The following YY1 variants were observed in gnomAD, a reference collection of about 807,000 sequenced individuals.
YY1 encodes the protein transcriptional repressor protein YY1.
Under a neutral mutation model 35.6 loss-of-function variants are expected in YY1, and 2 were observed. That is an observed-to-expected ratio of 0.06 (90% CI 0.02 to 0.18). YY1 has a LOEUF of 0.18. Ranked by LOEUF, YY1 falls within the 10% of genes least tolerant of loss-of-function variation. The pLI is 1.00. For synonymous variants in YY1, 268 were observed against 238.9 expected, an observed-to-expected ratio of 1.12 and a Z score of -1.12; for missense variants, 322 against 573.4, an observed-to-expected ratio of 0.56 and a Z score of 4.48.
chr14:100,252,675 C>T (rs1484520125), intron 1 of YY1, among the ~76,000 whole-genome samples: 1 of 152,198 alleles, frequency 6.6e-6, no homozygotes, highest in Non-Finnish European at 1.5e-5. Context: ...TGAGATTTGG[C>T]TTTAATTGGC....
chr14:100,240,118 G>C (rs994881756), intron 1 of YY1, among the ~76,000 whole-genome samples, 195 bp downstream of exon 1: 6 of 146,190 alleles, frequency 4.1e-5, no homozygotes, highest in African/African-American at 9.8e-5. Flanking sequence ...GCAGGCCGCG[G>C]GGGGGAGGGG....
rs1271862772 is a variant in YY1, at chr14:100,280,213, A to G, written c.*2613A>G. 1 of 152,202 alleles carries G rather than the reference A, an allele frequency of 6.6e-6. No homozygotes were observed. Among genetic ancestry groups the G allele is most frequent in the African/African-American group, 2.4e-5 (1 of 41,450 alleles). The allele number at this position is 152,202 out of a possible 1,614,324, so 9.4% of individuals were successfully genotyped here. On this transcript the variant is annotated 3_prime_UTR_variant, in exon 5 of 5. Transcript: ENST00000262238. ...ATTCTGCTTGTGGTTAGAATTTATA[A>G]TTTTGCTAACGATGTAATTTACTAA... is the stretch of plus-strand genomic sequence containing the variant.
chr14:100,246,144 G>A (rs1316634793), intron 1 of YY1, among the ~76,000 whole-genome samples: 1 of 152,192 alleles, frequency 6.6e-6, no homozygotes, highest in Non-Finnish European at 1.5e-5. Flanking sequence ...CCGCATAGAT[G>A]CCTGGAACCC....
rs1891405743 is a variant in YY1, at chr14:100,280,694, A to G, written c.*3094A>G. On this transcript the variant is annotated 3_prime_UTR_variant, in exon 5 of 5. Transcript: ENST00000262238. ...GACCCTTTCACAGGATAGTGTGCGC[A>G]ATACCTGTCCGTGTTTCCAAGCAGA... The G allele has an allele frequency of 6.6e-6, 1 of 152,116 alleles. No homozygotes were observed. Among genetic ancestry groups the G allele is most frequent in the South Asian group, 2.1e-4 (1 of 4,828 alleles). 9.4% of individuals were successfully genotyped at this position (152,116 alleles called of 1,614,324 possible).
intron 1 of YY1, among the ~76,000 whole-genome samples, chr14:100,251,606 C>T (rs1231296227): frequency 2.0e-5 from 3 of 152,188 alleles, no homozygotes; most frequent in South Asian, 2.1e-4. Flanking sequence ...ACCTACTGTT[C>T]CCCCTTAAAC....
chr14:100,270,554 C>T (rs1376612026), intron 2 of YY1, among the ~76,000 whole-genome samples: 4 of 151,582 alleles, frequency 2.6e-5, no homozygotes, highest in African/African-American at 7.3e-5. Flanking sequence ...ACCCAGGAGG[C>T]GGAGGTTGCA....
At chr14:100,243,713 TGGGA>T (rs1890785077) in intron 1 of YY1, among the ~76,000 whole-genome samples, 1 of 150,016 alleles carries the variant, frequency 6.7e-6, no homozygotes, top group South Asian at 2.1e-4. Flanking sequence ...TAGATTGAGG[TGGGA>T]GGATCTCCTG....
intron 1 of YY1, among the ~76,000 whole-genome samples, chr14:100,253,976 C>T (rs1367868650): frequency 6.6e-6 from 1 of 151,970 alleles, no homozygotes; most frequent in East Asian, 1.9e-4. Flanking sequence ...ATTACAGGTG[C>T]CCGCTACCAC....
rs1436310593 is a variant in YY1, at chr14:100,280,228, T to C, written c.*2628T>C. On this transcript the variant is annotated 3_prime_UTR_variant, in exon 5 of 5. Coordinates refer to ENST00000262238, the MANE Select transcript of YY1 (RefSeq NM_003403.5). ...AGAATTTATAATTTTGCTAACGATG[T>C]AATTTACTAAGGTTTGAAATGGTAT... 1 of 152,238 alleles carries C rather than the reference T, an allele frequency of 6.6e-6. No individual in the cohort carries two copies. The highest frequency in any genetic ancestry group is 1.9e-4 in the East Asian group (1 of 5,202). The allele number at this position is 152,238 out of a possible 1,614,324, so 9.4% of individuals were successfully genotyped here. A position where few individuals can be genotyped will look rare whatever the true frequency, so the allele number is the denominator to read the frequency against.
chr14:100,258,055 CT>C (rs1036139891), intron 1 of YY1, among the ~76,000 whole-genome samples: 10 of 151,942 alleles, frequency 6.6e-5, no homozygotes, highest in African/African-American at 2.4e-4. Context: ...TTGCTTGAAC[CT>C]TGGAGGTCAA....
In YY1 at chr14:100,280,293, T is replaced by A. The variant is rs1891396542; in HGVS notation, c.*2693T>A. The A allele has an allele frequency of 1.3e-5, 2 of 152,222 alleles. No homozygotes were observed. Among genetic ancestry groups the A allele is most frequent in the African/African-American group, 4.8e-5 (2 of 41,460 alleles). 9.4% of individuals were successfully genotyped at this position (152,222 alleles called of 1,614,324 possible). The stretch of plus-strand genomic sequence containing the variant: ...CATTGTCTTGAGGATTAATCTGATT[T>A]ATAAGTAATACTGATAGACATATTT... On this transcript the variant is annotated 3_prime_UTR_variant, in exon 5 of 5. Transcript: ENST00000262238.
intron 1 of YY1, among the ~76,000 whole-genome samples, chr14:100,241,268 T>C (rs1338361174): frequency 6.6e-6 from 1 of 152,250 alleles, no homozygotes; most frequent in East Asian, 1.9e-4. Context: ...ATAAGTACTT[T>C]AAAGCTTCAT....
At chr14:100,259,435 A>G (rs945005286) in intron 1 of YY1, among the ~76,000 whole-genome samples, 1 of 151,974 alleles carries the variant, frequency 6.6e-6, no homozygotes, top group Non-Finnish European at 1.5e-5. Context: ...CAGGAGAATC[A>G]CTTGAACCTG....
intron 1 of YY1, among the ~76,000 whole-genome samples, chr14:100,252,395 A>G (rs1890937771): frequency 6.6e-6 from 1 of 152,246 alleles, no homozygotes; most frequent in Non-Finnish European, 1.5e-5. Context: ...TACCATATGC[A>G]GAAATAGAAA....
At chr14:100,240,981 T>G (rs1418387229) in intron 1 of YY1, among the ~76,000 whole-genome samples, 1 of 152,188 alleles carries the variant, frequency 6.6e-6, no homozygotes, top group Non-Finnish European at 1.5e-5. Flanking sequence ...TTTTTTGAGT[T>G]TTGTTTTACT....
Position 100,276,443 on chromosome 14 carries a change from C to G in YY1, c.904-47C>G. ...AGGCTGTTAAATGGTTGAATCCTTT[C>G]TAACAGTTTGCAATGTGAACTTCTA... is the stretch of plus-strand genomic sequence containing the variant. On this transcript the variant is annotated intron_variant, in intron 3 of 4. Coordinates refer to ENST00000262238, the MANE Select transcript of YY1 (RefSeq NM_003403.5). This position sits in a 1 kb window ranked among gnomAD's most constrained non-coding sequence, Gnocchi z 4.1. 1 of 1,613,650 alleles carries G rather than the reference C, an allele frequency of 6.2e-7. No individual in the cohort carries two copies. The highest frequency in any genetic ancestry group is 1.7e-5 in the Admixed American group (1 of 60,018).
At chr14:100,254,940 A>ATTTTT (rs35165026) in intron 1 of YY1, among the ~76,000 whole-genome samples, 1,881 of 29,398 alleles carry the variant, frequency 0.064, 107 homozygotes, top group East Asian at 0.084. Context: ...CGCCCAGCTA[A>ATTTTT]TTTTTTTTTT....
chr14:100,267,994 C>T (rs1000815448), intron 2 of YY1, among the ~76,000 whole-genome samples: 2 of 152,128 alleles, frequency 1.3e-5, no homozygotes, highest in Non-Finnish European at 2.9e-5. Context: ...AATTGATGCC[C>T]GGGACTCTGA....
intron 1 of YY1, among the ~76,000 whole-genome samples, chr14:100,251,164 C>G (rs750616754): frequency 5.9e-5 from 9 of 152,158 alleles, no homozygotes; most frequent in Non-Finnish European, 1.3e-4. Flanking sequence ...AACCAGGGCT[C>G]TTGGAATAGG....
Sources: gnomAD v4.1 joint callset for allele counts (sites outside exome capture counted in the v4.1 genomes callset) on GRCh38, gnomAD v4.1.1 for gene constraint, Gnocchi (gnomAD v3.1) non-coding constraint, MANE v1.5 for transcripts, NCBI Gene and HGNC (gene_info 2026-07-23, HGNC 2026-07-21) for gene names.